Variants in DLGAP3 observed in about 807,000 individuals in gnomAD.
DLGAP3 encodes the protein disks large-associated protein 3.
A neutral mutation model predicts 81.2 loss-of-function variants in DLGAP3; 17 were observed. That is an observed-to-expected ratio of 0.21 (90% confidence interval 0.14 to 0.31). The LOEUF is 0.31. Among genes scored for constraint, DLGAP3 ranks in the 10% least tolerant of loss-of-function variants. The pLI, the probability that DLGAP3 is intolerant of heterozygous loss-of-function variation, is 1.00. For missense variants in DLGAP3, 1,124 were observed against 1,388.0 expected (o/e 0.81, Z 3.02); for synonymous variants, 577 against 587.4 (o/e 0.98, Z 0.26).
At chr1:34,886,318 A>T in intron 5 of DLGAP3, 33 bp from the exon 6 acceptor site, 8 of 1,526,114 alleles carry the variant, frequency 5.2e-6, no homozygotes, top group Non-Finnish European at 7.1e-6. Context: ...GACAGTTATA[A>T]GGTGCCGGGA....
intron 8 of DLGAP3, among the ~76,000 whole-genome samples, chr1:34,871,134 T>G (rs927156546): frequency 3.9e-5 from 6 of 152,218 alleles, no homozygotes; most frequent in Admixed American, 3.3e-4. Context: ...TGCCAAGTCA[T>G]TCCCCTGCTC....
rs1214348101 is a variant in DLGAP3, at chr1:34,905,276, GC to G, written c.107del (p.Gly36AlafsTer28). ...GCTCGGTGGAGAAGGCCTCCCTGGA[GC>G]CCAGCAGGTATGGGGCCCTGGCAGC... is the stretch of plus-strand genomic sequence containing the variant. Reference protein sequence around the residue: ...GPAARAPYLLGSREAFSTEPR... With the variant: ...GPAARAPYLLXSREAFSTEPR... On this transcript the variant is annotated frameshift_variant, in exon 3 of 12. Transcript: ENST00000373347. LOFTEE classifies it high-confidence loss of function. 1 of 1,471,548 alleles carries G rather than the reference GC, an allele frequency of 6.8e-7. No homozygotes were observed. The highest frequency in any genetic ancestry group is 2.8e-5 in the East Asian group (1 of 35,816). The allele number at this position is 1,471,548 out of a possible 1,614,324, so 91.2% of individuals were successfully genotyped here.
chr1:34,885,901 G>A, intron 6 of DLGAP3, 110 bp from the exon 7 acceptor site: 1 of 1,157,556 alleles, frequency 8.6e-7, no homozygotes, highest in Non-Finnish European at 1.2e-6. Flanking sequence ...CCCTGCAGCG[G>A]CGCGCACTCC....
At chr1:34,928,923 C>T (rs1193050142) in intron 1 of DLGAP3, among the ~76,000 whole-genome samples, 1 of 151,886 alleles carries the variant, frequency 6.6e-6, no homozygotes, top group East Asian at 1.9e-4. Flanking sequence ...CTGCATACAC[C>T]CACTAACATG....
At chr1:34,907,090 C>T (rs1639566955) in intron 2 of DLGAP3, among the ~76,000 whole-genome samples, 1 of 152,202 alleles carries the variant, frequency 6.6e-6, no homozygotes, top group South Asian at 2.1e-4. Context: ...CACCTTTCTT[C>T]CAGATCCTGC....
In DLGAP3 at chr1:34,869,489, T is replaced by C. The variant is rs534753136; in HGVS notation, c.2001-400A>G. Among the ~76,000 whole-genome samples the C allele has an allele frequency of 4.0e-4, 59 of 148,294 alleles. 2 individuals carry two copies. The East Asian group carries it at 0.011, about 29-fold the overall frequency. On this transcript the variant is annotated intron_variant, in intron 8 of 11. Transcript: ENST00000373347. ...GGCAGAAGATATTTCAATTTTTTTT[T>C]TTTTTTTTTTTTTTTTGGAGATGGA...
chr1:34,891,313 C>A (rs1639309132), intron 5 of DLGAP3, among the ~76,000 whole-genome samples: 1 of 152,208 alleles, frequency 6.6e-6, no homozygotes, highest in Admixed American at 6.5e-5. Flanking sequence ...ACTGCCTCTG[C>A]CAGAGGGCTC....
At chr1:34,926,599 G>A (rs1304593148) in intron 1 of DLGAP3, among the ~76,000 whole-genome samples, 1 of 152,188 alleles carries the variant, frequency 6.6e-6, no homozygotes, top group Non-Finnish European at 1.5e-5. Flanking sequence ...TGACCGTGGG[G>A]ATGGTAAGAC....
chr1:34,865,846 G>T lies in DLGAP3; in HGVS notation c.*237C>A. On this transcript the variant is annotated 3_prime_UTR_variant, in exon 12 of 12. Coordinates refer to ENST00000373347, the MANE Select transcript of DLGAP3 (RefSeq NM_001080418.3). ...CAAAGCGTCGGACCAGGTGGGCAGG[G>T]GATCCAGGTGAGGGGCGCAGGGCGG... The T allele has an allele frequency of 1.6e-6, 1 of 631,242 alleles. No individual in the cohort carries two copies. The highest frequency in any genetic ancestry group is 2.8e-6 in the Non-Finnish European group (1 of 353,584). The allele number at this position is 631,242 out of a possible 1,614,324, so 39.1% of individuals were successfully genotyped here. A position where few individuals can be genotyped will look rare whatever the true frequency, so the allele number is the denominator to read the frequency against.
chr1:34,892,763 C>A (rs1639331713), intron 5 of DLGAP3, among the ~76,000 whole-genome samples: 1 of 152,188 alleles, frequency 6.6e-6, no homozygotes, highest in South Asian at 2.1e-4. Flanking sequence ...ACTAAGAGAT[C>A]TATATTCACA....
intron 8 of DLGAP3, among the ~76,000 whole-genome samples, chr1:34,877,951 T>C (rs1639082875): frequency 6.6e-6 from 1 of 152,176 alleles, no homozygotes; most frequent in African/African-American, 2.4e-5. Context: ...CTCAAGTCAG[T>C]AATGAAAAAT....
At chr1:34,877,171 G>A (rs1019312767) in intron 8 of DLGAP3, among the ~76,000 whole-genome samples, 3 of 152,170 alleles carry the variant, frequency 2.0e-5, no homozygotes, top group African/African-American at 4.8e-5. Context: ...GGATGAAAAC[G>A]CTGAGGGAGG....
chr1:34,885,431 C>G (rs1416878289), intron 7 of DLGAP3, 47 bp downstream of exon 7: 2 of 1,593,884 alleles, frequency 1.3e-6, no homozygotes, highest in Admixed American at 1.7e-5. Context: ...ACCCCAGCCC[C>G]GACCGACCAG....
In DLGAP3 at chr1:34,865,867, G is replaced by A. The variant is rs1415334639; in HGVS notation, c.*216C>T. On this transcript the variant is annotated 3_prime_UTR_variant, in exon 12 of 12. Transcript: ENST00000373347. ...CAGGGGATCCAGGTGAGGGGCGCAG[G>A]GCGGAGAGGCACGGCCCCCTGCCCA... is the stretch of plus-strand genomic sequence containing the variant. 1.5e-6 allele frequency: 1 copy of A among 660,366 alleles called. No homozygotes were observed. Among genetic ancestry groups the A allele is most frequent in the Non-Finnish European group, 2.7e-6 (1 of 367,306 alleles). The allele number at this position is 660,366 out of a possible 1,614,324, so 40.9% of individuals were successfully genotyped here.
intron 5 of DLGAP3, 84 bp downstream of exon 5, chr1:34,899,585 C>A: frequency 1.6e-6 from 2 of 1,220,008 alleles, no homozygotes; most frequent in Non-Finnish European, 1.2e-6. Flanking sequence ...CACAGGCAGA[C>A]CCTCTGATTT....
intron 2 of DLGAP3, among the ~76,000 whole-genome samples, chr1:34,906,791 G>A (rs1639562781): frequency 6.6e-6 from 1 of 152,192 alleles, no homozygotes; most frequent in Non-Finnish European, 1.5e-5. Flanking sequence ...TGGAACCAGT[G>A]CTCCTGGCCC....
chr1:34,885,116 T>G (rs1036796999), intron 7 of DLGAP3, 53 bp from the exon 8 acceptor site: 21 of 1,526,600 alleles, frequency 1.4e-5, no homozygotes, highest in Non-Finnish European at 1.8e-5. Context: ...GTGAAAGCCC[T>G]TCCCGGGGAG....
intron 1 of DLGAP3, among the ~76,000 whole-genome samples, chr1:34,921,378 A>G (rs1639793418): frequency 6.6e-6 from 1 of 152,182 alleles, no homozygotes; most frequent in Admixed American, 6.5e-5. Context: ...CTCACCTGGT[A>G]AGCACCTGTT....
At chr1:34,911,619 C>T (rs566753064) in intron 1 of DLGAP3, among the ~76,000 whole-genome samples, 7 of 152,150 alleles carry the variant, frequency 4.6e-5, no homozygotes, top group South Asian at 2.1e-4. Flanking sequence ...TGATGCAGCT[C>T]GAATCTATCT....
Sources: gnomAD v4.1 joint callset for allele counts (sites outside exome capture counted in the v4.1 genomes callset) on GRCh38, gnomAD v4.1.1 for gene constraint, MANE v1.5 for transcripts, NCBI Gene and HGNC (gene_info 2026-07-23, HGNC 2026-07-21) for gene names.